The following ABLIM2 variants were observed in gnomAD, a reference collection of about 807,000 sequenced individuals.
ABLIM2 encodes the protein actin-binding LIM protein 2.
ABLIM2 carries 53 observed loss-of-function variants against 97.7 expected under a neutral mutation model. The ratio of observed to expected loss-of-function variants is 0.54; its 90% CI spans 0.44 to 0.68. ABLIM2 has a LOEUF of 0.68. Among genes scored for constraint, ABLIM2 ranks in the 30% least tolerant of loss-of-function variants. The pLI is 0.00. For synonymous variants in ABLIM2, 361 were observed against 345.8 expected (o/e 1.04, Z -0.49); for missense variants, 835 against 867.2 (o/e 0.96, Z 0.47).
intron 1 of ABLIM2, among the ~76,000 whole-genome samples, chr4:8,108,481 C>T (rs1263611613): frequency 6.6e-6 from 1 of 152,264 alleles, no homozygotes; most frequent in Non-Finnish European, 1.5e-5. Flanking sequence ...GGGAAGCCAG[C>T]TGCATGGCAG....
chr4:8,051,772 T>C (rs534449722), intron 8 of ABLIM2, among the ~76,000 whole-genome samples: 1 of 152,118 alleles, frequency 6.6e-6, no homozygotes, highest in Non-Finnish European at 1.5e-5. Flanking sequence ...CCTGGCACCA[T>C]GGCCACCCCC....
intron 6 of ABLIM2, among the ~76,000 whole-genome samples, chr4:8,073,333 T>A: frequency 6.7e-6 from 1 of 150,332 alleles, no homozygotes; most frequent in Non-Finnish European, 1.5e-5. Flanking sequence ...CAACTCTTTG[T>A]CAAGCAGAAG....
Position 8,023,121 on chromosome 4 carries a change from A to G in ABLIM2, c.1268-2818T>C, listed in dbSNP as rs1404915515. On this transcript the variant is annotated intron_variant, in intron 12 of 20. Coordinates refer to ENST00000447017, the MANE Select transcript of ABLIM2 (RefSeq NM_001130083.2). The surrounding 1 kb of genome is among the most constrained non-coding windows in gnomAD (Gnocchi z 5.7). ...TTTTAAAAATTTCAGTAAATGTTTC[A>G]TTAGGAACAGCTTCAGGTAGTCCAG... The G allele has an allele frequency of 6.6e-6, 1 of 151,742 alleles. No homozygotes were observed. The highest frequency in any genetic ancestry group is 2.4e-5 in the African/African-American group (1 of 41,104). 9.4% of individuals were successfully genotyped at this position (151,742 alleles called of 1,614,324 possible).
chr4:8,114,233 C>T (rs116069167), intron 1 of ABLIM2, among the ~76,000 whole-genome samples: 2,017 of 152,310 alleles, frequency 0.013, 35 homozygotes, highest in African/African-American at 0.046. Flanking sequence ...TGTGCTCAGC[C>T]AGTCCTTGCC....
chr4:8,025,991 C>A (rs1777074425), intron 12 of ABLIM2, among the ~76,000 whole-genome samples: 1 of 152,150 alleles, frequency 6.6e-6, no homozygotes, highest in Admixed American at 6.5e-5. Context: ...GGGGAGGGGC[C>A]CTTTCTGGCT....
In ABLIM2 at chr4:8,139,211, G is replaced by A. The variant is rs555676094; in HGVS notation, c.10+19469C>T. Among the ~76,000 whole-genome samples the A allele has an allele frequency of 4.1e-5, 6 of 145,028 alleles. No homozygotes were observed. In the South Asian group the frequency reaches 8.9e-4, roughly 21 times the overall value. On this transcript the variant is annotated intron_variant, in intron 1 of 20. Coordinates refer to ENST00000447017, the MANE Select transcript of ABLIM2 (RefSeq NM_001130083.2). ...AAACTCTGTCTTGAAAAGAGAAAAC[G>A]GAAAAGGGAAAAGGGAAAAGGGAAG...
chr4:7,980,941 A>ATCT (rs1483414043), intron 20 of ABLIM2, among the ~76,000 whole-genome samples: 3 of 82,984 alleles, frequency 3.6e-5, no homozygotes, highest in African/African-American at 1.1e-4. Context: ...ACAACCCCTT[A>ATCT]TTTTTTTTTT....
chr4:8,127,537 G>C lies in ABLIM2; in HGVS notation c.11-20900C>G, dbSNP rs1204816039. The C allele has an allele frequency of 7.8e-7, 1 of 1,289,804 alleles. No individual in the cohort carries two copies. The highest frequency in any genetic ancestry group is 1.2e-5 in the South Asian group (1 of 81,024). 79.9% of individuals were successfully genotyped at this position (1,289,804 alleles called of 1,614,324 possible). A position where few individuals can be genotyped will look rare whatever the true frequency, so the allele number is the denominator to read the frequency against. On this transcript the variant is annotated intron_variant, in intron 1 of 20. Coordinates refer to ENST00000447017, the MANE Select transcript of ABLIM2 (RefSeq NM_001130083.2). This position sits in a 1 kb window ranked among gnomAD's most constrained non-coding sequence, Gnocchi z 7.3. ...GATGGTCTGGGCAAAAGCGCAGTTT[G>C]GGGATTTACCTGTGTCTCCCCCTGG...
chr4:8,009,231 G>T, intron 14 of ABLIM2, 129 bp from the exon 15 acceptor site: 2 of 1,120,936 alleles, frequency 1.8e-6, no homozygotes, highest in Non-Finnish European at 2.7e-6. Context: ...TAGTACGAGT[G>T]CCTTTCAAAG....
At chr4:7,995,534 T>C (rs1752682407) in intron 16 of ABLIM2, among the ~76,000 whole-genome samples, 1 of 152,144 alleles carries the variant, frequency 6.6e-6, no homozygotes, top group Non-Finnish European at 1.5e-5. Flanking sequence ...GGGTTCCTCA[T>C]GGACTCAATG....
chr4:8,142,874 G>A (rs988002217), intron 1 of ABLIM2, among the ~76,000 whole-genome samples: 3 of 152,176 alleles, frequency 2.0e-5, no homozygotes, highest in South Asian at 2.1e-4. Context: ...AGCCTGGCCC[G>A]GCCCTTGAGG....
intron 10 of ABLIM2, 121 bp from the exon 11 acceptor site, chr4:8,029,897 G>GC: frequency 7.5e-7 from 1 of 1,337,292 alleles, no homozygotes; most frequent in Non-Finnish European, 1.0e-6. Flanking sequence ...ACTCAACATG[G>GC]CCCCATGTGG....
At chr4:7,977,852 T>A (rs890061868) in intron 20 of ABLIM2, among the ~76,000 whole-genome samples, 1 of 149,824 alleles carries the variant, frequency 6.7e-6, no homozygotes, top group Non-Finnish European at 1.5e-5. Context: ...CAGCATTGAC[T>A]GGCCTAGAAA....
In ABLIM2 at chr4:8,067,944, C is replaced by T. The variant is rs1809094062; in HGVS notation, c.676-6890G>A. The stretch of plus-strand genomic sequence containing the variant: ...GTACCGGCATGGCACAGGTCACCCC[C>T]TCCCTACCCCATACTTCCTGCTGAG... On this transcript the variant is annotated intron_variant, in intron 6 of 20. Coordinates refer to ENST00000447017, the MANE Select transcript of ABLIM2 (RefSeq NM_001130083.2). This position sits in a 1 kb window ranked among gnomAD's most constrained non-coding sequence, Gnocchi z 5.4. Among the ~76,000 whole-genome samples, 1 of 152,214 alleles carries T rather than the reference C, an allele frequency of 6.6e-6. No homozygotes were observed. Among genetic ancestry groups the T allele is most frequent in the Non-Finnish European group, 1.5e-5 (1 of 68,038 alleles).
At chr4:8,066,307 A>G (rs1807310631) in intron 6 of ABLIM2, among the ~76,000 whole-genome samples, 1 of 136,404 alleles carries the variant, frequency 7.3e-6, no homozygotes, top group Admixed American at 7.3e-5. Flanking sequence ...CTATGTCTCA[A>G]AAAAAAAAAA....
At position 7,966,879 on chromosome 4, in the gene ABLIM2, C is replaced by CCCAGGAAAAAAAAA; in HGVS notation, c.*110_*111insTTTTTTTTTCCTGG. 2.8e-6 allele frequency: 1 copy of CCCAGGAAAAAAAAA among 361,394 alleles called. No homozygotes were observed. Among genetic ancestry groups the CCCAGGAAAAAAAAA allele is most frequent in the Non-Finnish European group, 5.3e-6 (1 of 187,626 alleles). 22.4% of individuals were successfully genotyped at this position (361,394 alleles called of 1,614,324 possible). ...CTGGGGGACCCCCTCCCGCCCACCC[C>CCCAGGAAAAAAAAA]ATGGACACAGAGAAGCCAGAGCAAG... On this transcript the variant is annotated 3_prime_UTR_variant, in exon 21 of 21. Coordinates refer to ENST00000447017, the MANE Select transcript of ABLIM2 (RefSeq NM_001130083.2).
intron 12 of ABLIM2, chr4:8,020,553 G>A (rs1772888427): frequency 6.6e-6 from 4 of 602,864 alleles, no homozygotes; most frequent in Non-Finnish European, 1.2e-5. Context: ...CATTGCTGAG[G>A]GCAGAGGGCT....
intron 9 of ABLIM2, among the ~76,000 whole-genome samples, chr4:8,040,703 C>T (rs1033011376): frequency 3.9e-5 from 6 of 152,066 alleles, no homozygotes; most frequent in African/African-American, 7.2e-5. Flanking sequence ...GGTGAAGAGC[C>T]GGACCGTGTG....
intron 20 of ABLIM2, among the ~76,000 whole-genome samples, chr4:7,979,257 C>G (rs1333817220): frequency 6.6e-6 from 1 of 152,228 alleles, no homozygotes; most frequent in Non-Finnish European, 1.5e-5. Context: ...CCTTTGCTAG[C>G]ACGATCCCCA....
Sources: gnomAD v4.1 joint callset for allele counts (sites outside exome capture counted in the v4.1 genomes callset) on GRCh38, gnomAD v4.1.1 for gene constraint, Gnocchi (gnomAD v3.1) non-coding constraint, MANE v1.5 for transcripts, NCBI Gene and HGNC (gene_info 2026-07-23, HGNC 2026-07-21) for gene names.